Variants in GPLD1 observed in about 807,000 individuals in gnomAD.
GPLD1 encodes the protein phosphatidylinositol-glycan-specific phospholipase D.
Under a neutral mutation model 112.6 loss-of-function variants are expected in GPLD1, and 84 were observed. The ratio of observed to expected loss-of-function variants is 0.75; its 90% CI spans 0.63 to 0.89. The LOEUF is 0.89. Ranked by LOEUF, GPLD1 falls within the 40% of genes least tolerant of loss-of-function variation. The probability of loss-of-function intolerance (pLI) is 0.00; values close to 1 mark genes in which losing one functional copy is unlikely to be tolerated. For synonymous variants in GPLD1, 386 were observed against 403.8 expected, an observed-to-expected ratio of 0.96 and a Z score of 0.53; for missense variants, 1,044 against 1,051.5, an observed-to-expected ratio of 0.99 and a Z score of 0.10.
chr6:24,465,209 A>AG (rs1554132347), intron 10 of GPLD1, among the ~76,000 whole-genome samples: 12 of 107,274 alleles, frequency 1.1e-4, no homozygotes, highest in African/African-American at 2.3e-4. Flanking sequence ...AAAAAAAAAA[A>AG]AAAAGAAAAG....
intron 2 of GPLD1, among the ~76,000 whole-genome samples, chr6:24,482,606 A>C (rs1367821548): frequency 6.6e-6 from 1 of 152,176 alleles, no homozygotes; most frequent in Non-Finnish European, 1.5e-5. Flanking sequence ...TAGTAGAGAC[A>C]AGGTTTTGCC....
intron 24 of GPLD1, 28 bp downstream of exon 24, chr6:24,433,159 A>G (rs747858804): frequency 6.5e-5 from 99 of 1,511,750 alleles, no homozygotes; most frequent in Non-Finnish European, 8.3e-5. Flanking sequence ...TAACATAAAC[A>G]TCAATGAAGT....
intron 11 of GPLD1, 119 bp from the exon 12 acceptor site, chr6:24,460,518 A>G: frequency 1.0e-6 from 1 of 983,706 alleles, no homozygotes; most frequent in Non-Finnish European, 1.5e-6. Context: ...TTTTAACGTC[A>G]GAAGGCTGAA....
rs992949270 is a variant in GPLD1 at position 24,494,938 on chromosome 6, T to A, written n.239+29A>T. ...GCTCCTCTTGCTTCCCCGCGACCCCTGCGTTCCCGTGCGCGCGCGCCCGCT... is the reference window on the plus strand; with the variant it reads ...GCTCCTCTTGCTTCCCCGCGACCCCAGCGTTCCCGTGCGCGCGCGCCCGCT... On this transcript the variant is annotated intron_variant and non_coding_transcript_variant, in intron 1 of 10. Transcript: ENST00000474784. 89 of 1,270,944 alleles carry A rather than the reference T, an allele frequency of 7.0e-5. No individual in the cohort carries two copies. The African/African-American group carries it at 1.3e-3, about 18-fold the overall frequency. 78.7% of individuals were successfully genotyped at this position (1,270,944 alleles called of 1,614,324 possible).
At chr6:24,450,950 C>T (rs149089620) in intron 14 of GPLD1, among the ~76,000 whole-genome samples, 4,571 of 152,278 alleles carry the variant, frequency 0.03, 93 homozygotes, top group Non-Finnish European at 0.045. Flanking sequence ...CCAGCCTGGG[C>T]AACAGAAGTG....
upstream of GPLD1, among the ~76,000 whole-genome samples, chr6:24,489,963 T>C (rs538608593): frequency 6.6e-6 from 1 of 152,324 alleles, no homozygotes; most frequent in Admixed American, 6.5e-5. Flanking sequence ...GCATCCTTTC[T>C]ACACATTTAT....
intron 13 of GPLD1, among the ~76,000 whole-genome samples, chr6:24,454,866 C>T (rs1014300501): frequency 1.3e-5 from 2 of 152,238 alleles, no homozygotes; most frequent in African/African-American, 2.4e-5. Context: ...TGGTGGCTCA[C>T]GCCTGTAATC....
intron 4 of GPLD1, 114 bp from the exon 5 acceptor site, chr6:24,475,345 T>A (rs1763974162): frequency 1.5e-6 from 1 of 654,908 alleles, no homozygotes; most frequent in African/African-American, 1.8e-5. Context: ...TAACAAAAAA[T>A]TTCAGGCAAG....
chr6:24,426,164 T>C lies in GPLD1; in HGVS notation c.*2868A>G, dbSNP rs1481332906. The C allele has an allele frequency of 6.6e-6, 1 of 152,248 alleles. No individual in the cohort carries two copies. The highest frequency in any genetic ancestry group is 1.5e-5 in the Non-Finnish European group (1 of 68,040). The allele number at this position is 152,248 out of a possible 1,614,324, so 9.4% of individuals were successfully genotyped here. A position where few individuals can be genotyped will look rare whatever the true frequency, so the allele number is the denominator to read the frequency against. The stretch of plus-strand genomic sequence containing the variant: ...AAATATGTAAATGTCTTCTGATATC[T>C]TGAAATAAAGATAAATTTCAGTTAA... On this transcript the variant is annotated 3_prime_UTR_variant, in exon 25 of 25. Transcript: ENST00000230036.
chr6:24,433,505 TTTTTTGA>T, intron 22 of GPLD1, 116 bp from the exon 23 acceptor site: 1 of 593,004 alleles, frequency 1.7e-6, no homozygotes, highest in Non-Finnish European at 2.9e-6. Context: ...TTTTTTTTTT[TTTTTTGA>T]GAAGGAGTCT....
At chr6:24,481,430 CAAAG>C (rs1764199417) in intron 2 of GPLD1, among the ~76,000 whole-genome samples, 1 of 149,470 alleles carries the variant, frequency 6.7e-6, no homozygotes, top group Admixed American at 6.7e-5. Flanking sequence ...AATTAAAACA[CAAAG>C]AAAGATAGTA....
chr6:24,456,537 G>T lies in GPLD1; in HGVS notation c.1109C>A (p.Ala370Glu). The stretch of plus-strand genomic sequence containing the variant: ...ATAAGGAAATGACAAGAAGTAAGAT[G>T]CTAAGGGGCTGGAGACGTGCTTTTG... ...LSQKHVSSPLASYFLSFPYAR... is the reference protein window; with the variant it reads ...LSQKHVSSPLESYFLSFPYAR... The change falls in exon 13 of 25, where the codon GCA becomes GAA. Residue 370 changes from alanine (A) to glutamate (E), a missense_variant. Physicochemically the swap from Ala to Glu is moderately radical, Grantham distance 107. Transcript: ENST00000230036. The T allele has an allele frequency of 6.2e-7, 1 of 1,610,476 alleles. No individual in the cohort carries two copies. Among genetic ancestry groups the T allele is most frequent in the Non-Finnish European group, 8.5e-7 (1 of 1,176,832 alleles).
chr6:24,491,385 C>G (rs564301469), upstream of GPLD1, among the ~76,000 whole-genome samples: 1 of 152,152 alleles, frequency 6.6e-6, no homozygotes, highest in East Asian at 1.9e-4. Flanking sequence ...ATACAACAAA[C>G]CCATCCAAAA....
At chr6:24,448,631 CCACA>C (rs1279274825) in intron 15 of GPLD1, among the ~76,000 whole-genome samples, 1 of 152,138 alleles carries the variant, frequency 6.6e-6, no homozygotes, top group African/African-American at 2.4e-5. Flanking sequence ...TCAAGATCCT[CCACA>C]CACAATTGTG....
rs1364816171 is a variant in GPLD1 at position 24,425,885 on chromosome 6, GCTTT to G, written c.*3143_*3146del. Reference sequence around the variant, plus strand: ...TGAGTTATTCCAAGAGTTGTATACAGCTTTATTTTTTGGAATTGCAATATTAAAG... The same window carrying G: ...TGAGTTATTCCAAGAGTTGTATACAGATTTTTTGGAATTGCAATATTAAAG... On this transcript the variant is annotated 3_prime_UTR_variant, in exon 25 of 25. Transcript: ENST00000230036. The G allele has an allele frequency of 6.6e-6, 1 of 152,172 alleles. No homozygotes were observed. Among genetic ancestry groups the G allele is most frequent in the Non-Finnish European group, 1.5e-5 (1 of 68,044 alleles). The allele number at this position is 152,172 out of a possible 1,614,324, so 9.4% of individuals were successfully genotyped here.
chr6:24,455,501 T>A (rs998980663), intron 13 of GPLD1, among the ~76,000 whole-genome samples: 1 of 152,218 alleles, frequency 6.6e-6, no homozygotes, highest in Non-Finnish European at 1.5e-5. Context: ...TTTTATATAC[T>A]TGGGGTTAGT....
chr6:24,427,101 C>T lies in GPLD1; in HGVS notation c.*1931G>A, dbSNP rs545278025. Among the ~76,000 whole-genome samples, 134 of 152,300 alleles carry T rather than the reference C, an allele frequency of 8.8e-4. No homozygotes were observed. Among genetic ancestry groups the T allele is most frequent in the African/African-American group, 2.8e-3 (118 of 41,558 alleles). ...CTCCTGCTTTTAGTATCATCTCACC[C>T]GTGGCAGAAGAAAGAGGTTCTTCCC... On this transcript the variant is annotated 3_prime_UTR_variant, in exon 25 of 25. Coordinates refer to ENST00000230036, the MANE Select transcript of GPLD1 (RefSeq NM_001503.4).
chr6:24,432,250 A>AG, intron 24 of GPLD1, among the ~76,000 whole-genome samples: 1 of 150,396 alleles, frequency 6.6e-6, no homozygotes, highest in South Asian at 2.1e-4. Context: ...TCTGTCTTAA[A>AG]AAAAAAAAAA....
intron 24 of GPLD1, among the ~76,000 whole-genome samples, chr6:24,431,301 GTTA>G (rs559311959): frequency 7.8e-4 from 119 of 152,214 alleles, no homozygotes; most frequent in African/African-American, 2.7e-3. Context: ...TACAGACCTG[GTTA>G]TATATATAAA....
Sources: gnomAD v4.1 joint callset for allele counts (sites outside exome capture counted in the v4.1 genomes callset) on GRCh38, gnomAD v4.1.1 for gene constraint, MANE v1.5 for transcripts, NCBI Gene and HGNC (gene_info 2026-07-23, HGNC 2026-07-21) for gene names.